NRG3: variants seen among roughly 807,000 people sequenced by gnomAD.
The protein encoded by NRG3 is pro-neuregulin-3, membrane-bound isoform.
A neutral mutation model predicts 66.9 loss-of-function variants in NRG3; 31 were observed. The observed-to-expected ratio is 0.46, with a 90% CI of 0.35 to 0.63. The LOEUF (loss-of-function observed/expected upper bound fraction) is 0.63, where lower values mean the gene tolerates loss of function less well. NRG3 is among the 20% of genes least tolerant of loss of function. The pLI is 0.00. For missense variants in NRG3, 910 were observed against 878.9 expected (o/e 1.04, Z -0.45); for synonymous variants, 393 against 359.4 (o/e 1.09, Z -1.06).
At chr10:82,426,597 AATTATTATTATTATTATTATTATT>A (rs142603787) in intron 2 of NRG3, among the ~76,000 whole-genome samples, 8 of 132,590 alleles carry the variant, frequency 6.0e-5, no homozygotes, top group African/African-American at 1.7e-4. Flanking sequence ...TCCTCAATGG[AATTATTATTATTATTATTATTATT>A]ATTATTATTA....
intron 3 of NRG3, among the ~76,000 whole-genome samples, chr10:82,839,324 T>C (rs751676562): frequency 3.9e-5 from 6 of 152,164 alleles, no homozygotes; most frequent in Non-Finnish European, 8.8e-5. Flanking sequence ...TTTAACAAAC[T>C]GATACTTATC....
intron 2 of NRG3, among the ~76,000 whole-genome samples, chr10:82,641,003 G>T (rs2050535447): frequency 2.3e-5 from 3 of 128,376 alleles, no homozygotes; most frequent in Admixed American, 8.2e-5. Flanking sequence ...AAATTTTTCA[G>T]TCTGTCGTTT....
At chr10:82,146,837 A>T (rs781304188) in intron 1 of NRG3, among the ~76,000 whole-genome samples, 4 of 152,144 alleles carry the variant, frequency 2.6e-5, no homozygotes, top group Admixed American at 6.6e-5. Flanking sequence ...GGGGTGTGGT[A>T]CAGGGAGGGT....
intron 2 of NRG3, among the ~76,000 whole-genome samples, chr10:82,466,024 T>G (rs556687344): frequency 6.6e-6 from 1 of 152,246 alleles, no homozygotes; most frequent in South Asian, 2.1e-4. Flanking sequence ...CTGTTTAGAT[T>G]GAGGTCCCAA....
chr10:82,877,378 T>G (rs112847254), intron 4 of NRG3, among the ~76,000 whole-genome samples: 30 of 140,706 alleles, frequency 2.1e-4, no homozygotes, highest in African/African-American at 8.1e-4. Context: ...AGACTTTTTT[T>G]TTTTTTTTTT....
chr10:81,896,178 C>T (rs1374881988), intron 1 of NRG3, among the ~76,000 whole-genome samples: 1 of 152,058 alleles, frequency 6.6e-6, no homozygotes, highest in Non-Finnish European at 1.5e-5. Context: ...AATTTCTCAG[C>T]CTTTGAGAAA....
intron 1 of NRG3, among the ~76,000 whole-genome samples, chr10:82,026,084 G>A (rs917094079): frequency 6.6e-6 from 1 of 151,906 alleles, no homozygotes; most frequent in Non-Finnish European, 1.5e-5. Flanking sequence ...CTCCCATTTG[G>A]TCCTTATATT....
At chr10:82,316,469 T>A (rs2081301191) in intron 1 of NRG3, among the ~76,000 whole-genome samples, 1 of 152,208 alleles carries the variant, frequency 6.6e-6, no homozygotes, top group Non-Finnish European at 1.5e-5. Context: ...GGATTTCAAA[T>A]TCAGTAGCTG....
At position 82,683,541 on chromosome 10, in the gene NRG3, G is replaced by A. The variant is rs114804229; in HGVS notation, c.954-55036G>A. 7.3e-3 allele frequency among the ~76,000 whole-genome samples: 1,107 copies of A among 152,276 alleles called. 13 individuals carry two copies. Among genetic ancestry groups the A allele is most frequent in the African/African-American group, 0.026 (1,062 of 41,552 alleles). ...TGTTTATCATTATGTTTCTACAGAAGCAAAGTAAATTGGTGTCTTTAAGAT... is the reference window on the plus strand; with the variant it reads ...TGTTTATCATTATGTTTCTACAGAAACAAAGTAAATTGGTGTCTTTAAGAT... On this transcript the variant is annotated intron_variant, in intron 2 of 8. Coordinates refer to ENST00000372141, the MANE Select transcript of NRG3 (RefSeq NM_001010848.4).
At chr10:82,958,477 A>G (rs1850290964) in intron 5 of NRG3, among the ~76,000 whole-genome samples, 2 of 152,248 alleles carry the variant, frequency 1.3e-5, no homozygotes, top group South Asian at 4.1e-4. Flanking sequence ...ATTGTAAAAG[A>G]CAGAGAATAT....
At chr10:82,877,816 T>C (rs186128122) in intron 4 of NRG3, among the ~76,000 whole-genome samples, 118 of 152,316 alleles carry the variant, frequency 7.7e-4, no homozygotes, top group African/African-American at 2.7e-3. Context: ...AATATATGTT[T>C]GACACACATG....
At chr10:81,877,435 C>T (rs1266064169) in intron 1 of NRG3, among the ~76,000 whole-genome samples, 2 of 152,142 alleles carry the variant, frequency 1.3e-5, no homozygotes, top group Non-Finnish European at 2.9e-5. Flanking sequence ...GCCATAGCAT[C>T]TGAGATAAAG....
intron 1 of NRG3, among the ~76,000 whole-genome samples, chr10:82,317,568 G>T (rs1321386353): frequency 6.6e-6 from 1 of 152,012 alleles, no homozygotes; most frequent in Non-Finnish European, 1.5e-5. Flanking sequence ...CTCTTCCTTG[G>T]ATTATCACAA....
chr10:82,287,845 C>G (rs2079510026), intron 1 of NRG3, among the ~76,000 whole-genome samples: 1 of 152,110 alleles, frequency 6.6e-6, no homozygotes, highest in Admixed American at 6.5e-5. Flanking sequence ...GGACCAAATT[C>G]TCAAGAAACC....
chr10:82,186,940 T>C (rs796512861), intron 1 of NRG3, among the ~76,000 whole-genome samples: 24 of 152,264 alleles, frequency 1.6e-4, no homozygotes, highest in African/African-American at 5.5e-4. Flanking sequence ...ATCATCACTT[T>C]GCCAAGCCCT....
intron 2 of NRG3, among the ~76,000 whole-genome samples, chr10:82,621,543 T>C (rs561114044): frequency 6.6e-6 from 1 of 152,170 alleles, no homozygotes; most frequent in Non-Finnish European, 1.5e-5. Flanking sequence ...TCATCTGATA[T>C]CATGTGGGGA....
chr10:82,579,152 TA>T (rs1490042279), intron 2 of NRG3, among the ~76,000 whole-genome samples: 3 of 151,764 alleles, frequency 2.0e-5, no homozygotes, highest in Non-Finnish European at 2.9e-5. Context: ...AATTTCTAAT[TA>T]AAATCATCCT....
intron 1 of NRG3, among the ~76,000 whole-genome samples, chr10:81,986,786 G>C (rs2060535141): frequency 6.6e-6 from 1 of 152,144 alleles, no homozygotes; most frequent in Admixed American, 6.5e-5. Flanking sequence ...CTGGGCTAAA[G>C]TGATCCTCCT....
At chr10:82,281,898 G>A (rs2079140629) in intron 1 of NRG3, among the ~76,000 whole-genome samples, 1 of 152,112 alleles carries the variant, frequency 6.6e-6, no homozygotes, top group Admixed American at 6.6e-5. Flanking sequence ...CATAGAGAAA[G>A]GATTGACAGT....
Sources: allele counts gnomAD v4.1 joint callset (sites outside exome capture counted in the v4.1 genomes callset), GRCh38; gene constraint gnomAD v4.1.1; transcripts MANE v1.5; gene names NCBI Gene and HGNC (gene_info 2026-07-23, HGNC 2026-07-21).